NFIB: variants seen among roughly 807,000 people sequenced by gnomAD.
NFIB encodes nuclear factor I B.
In NFIB, 11 loss-of-function variants were observed where a neutral mutation model predicts 61.5. The ratio of observed to expected loss-of-function variants is 0.18; its 90% CI spans 0.11 to 0.30. NFIB has a LOEUF of 0.30. Ranked by LOEUF, NFIB falls within the 10% of genes least tolerant of loss-of-function variation. NFIB has a pLI of 1.00. For synonymous variants in NFIB, 260 were observed against 216.5 expected, an observed-to-expected ratio of 1.20 and a Z score of -1.76; for missense variants, 471 against 608.9, an observed-to-expected ratio of 0.77 and a Z score of 2.38.
At chr9:14,276,505 C>G (rs1485015628) in intron 2 of NFIB, among the ~76,000 whole-genome samples, 1 of 152,106 alleles carries the variant, frequency 6.6e-6, no homozygotes, top group Non-Finnish European at 1.5e-5. Flanking sequence ...ATGTACCTTT[C>G]TCAGAGAAGG....
At chr9:14,373,515 G>GT (rs202190638) in intron 1 of NFIB, among the ~76,000 whole-genome samples, 43 of 151,274 alleles carry the variant, frequency 2.8e-4, no homozygotes, top group South Asian at 8.4e-4. Context: ...TCATTGCCAG[G>GT]TTTTTTTTTA....
chr9:14,139,055 T>A (rs2041393730), intron 6 of NFIB, among the ~76,000 whole-genome samples: 1 of 152,122 alleles, frequency 6.6e-6, no homozygotes, highest in Admixed American at 6.6e-5. Flanking sequence ...AAGAAAAGTG[T>A]CCCTCTGGGA....
At chr9:14,176,954 TG>T (rs1315284398) in intron 3 of NFIB, among the ~76,000 whole-genome samples, 1 of 152,204 alleles carries the variant, frequency 6.6e-6, no homozygotes, top group Non-Finnish European at 1.5e-5. Context: ...CCCAAGCTGT[TG>T]GGGAATAAAC....
At chr9:14,448,519 G>C in the NFIB span, among the ~76,000 whole-genome samples, 2 of 152,178 alleles carry the variant, frequency 1.3e-5, no homozygotes, top group Non-Finnish European at 1.5e-5. Flanking sequence ...AAAAAACCTA[G>C]TTGGGATGGA....
intron 1 of NFIB, among the ~76,000 whole-genome samples, chr9:14,393,283 A>G (rs1400127038): frequency 4.6e-5 from 7 of 152,128 alleles, no homozygotes; most frequent in Admixed American, 4.6e-4. Context: ...AACATTGGCT[A>G]TGGCCTAAAA....
the NFIB span, among the ~76,000 whole-genome samples, chr9:14,419,027 T>C: frequency 6.6e-6 from 1 of 152,188 alleles, no homozygotes; most frequent in East Asian, 1.9e-4. Flanking sequence ...ATCTAATGAA[T>C]TTAAATTCCA....
the NFIB span, among the ~76,000 whole-genome samples, chr9:14,432,606 G>A: frequency 2.0e-5 from 3 of 152,190 alleles, no homozygotes; most frequent in African/African-American, 7.2e-5. Flanking sequence ...ATTAGTACCA[G>A]GCAGCTGAGA....
Position 14,313,583 on chromosome 9 carries a change from C to T in NFIB, c.-72G>A. 6.2e-7 allele frequency: 1 copy of T among 1,610,874 alleles called. No individual in the cohort carries two copies. Among genetic ancestry groups the T allele is most frequent in the Non-Finnish European group, 8.5e-7 (1 of 1,178,430 alleles). ...TCGAGAAGCAAGAATTTCATCTATT[C>T]ATTTTACAGTCATCTGAGCCCCGCG... On this transcript the variant is annotated 5_prime_UTR_variant, in exon 1 of 11. It removes an upstream start codon present in the reference 5' UTR. Coordinates refer to ENST00000380953, the MANE Select transcript of NFIB (RefSeq NM_001190737.2). This position sits in a 1 kb window ranked among gnomAD's most constrained non-coding sequence, Gnocchi z 4.5.
chr9:14,396,187 TC>T (rs1372915756), intron 1 of NFIB, among the ~76,000 whole-genome samples: 1 of 152,096 alleles, frequency 6.6e-6, no homozygotes, highest in Non-Finnish European at 1.5e-5. Flanking sequence ...ACCATTTTTC[TC>T]CCTTTTTTTT....
chr9:14,101,080 T>C (rs1270743159), intron 10 of NFIB, among the ~76,000 whole-genome samples: 1 of 152,232 alleles, frequency 6.6e-6, no homozygotes, highest in East Asian at 1.9e-4. Context: ...CTTTAAAATG[T>C]ATATTAATTC....
chr9:14,251,835 T>A (rs1180181566), intron 2 of NFIB, among the ~76,000 whole-genome samples: 2 of 151,546 alleles, frequency 1.3e-5, no homozygotes, highest in African/African-American at 4.8e-5. Flanking sequence ...AGGTCCAACT[T>A]TTATAAAGAA....
At chr9:14,125,366 C>T (rs1475646098) in intron 7 of NFIB, among the ~76,000 whole-genome samples, 1 of 152,154 alleles carries the variant, frequency 6.6e-6, no homozygotes, top group Non-Finnish European at 1.5e-5. Context: ...CCATGTTGGT[C>T]AGGCTAGTCT....
chr9:14,510,934 G>A, the NFIB span, among the ~76,000 whole-genome samples: 1 of 152,108 alleles, frequency 6.6e-6, no homozygotes, highest in Non-Finnish European at 1.5e-5. Flanking sequence ...CTACCTTCAA[G>A]TATTAATATT....
In NFIB at chr9:14,348,091, G is replaced by A. The variant is rs550713369; in HGVS notation, c.109-40571C>T. On this transcript the variant is annotated intron_variant, in intron 1 of 8. Coordinates refer to the NFIB transcript ENST00000380934. ...GGCGGAACGAAGTCGCCCAACCCAA[G>A]TTCTCCCTGCACCCTGGGAAGGAAA... Among the ~76,000 whole-genome samples, 270 of 152,330 alleles carry A rather than the reference G, an allele frequency of 1.8e-3. 2 individuals carry two copies. The highest frequency in any genetic ancestry group is 6.1e-3 in the African/African-American group (255 of 41,598).
chr9:14,238,775 C>A (rs1380386738), intron 2 of NFIB, among the ~76,000 whole-genome samples: 3 of 152,042 alleles, frequency 2.0e-5, no homozygotes, highest in Non-Finnish European at 4.4e-5. Flanking sequence ...ACGTCTCTTG[C>A]CACAGGGGGA....
At chr9:14,175,289 T>C (rs1407757315) in intron 3 of NFIB, among the ~76,000 whole-genome samples, 2 of 149,070 alleles carry the variant, frequency 1.3e-5, no homozygotes, top group African/African-American at 5.0e-5. Flanking sequence ...CTCTCCTGCC[T>C]CAGCCTCCCC....
the NFIB span, among the ~76,000 whole-genome samples, chr9:14,515,450 A>G: frequency 6.6e-6 from 1 of 152,106 alleles, no homozygotes; most frequent in Admixed American, 6.5e-5. Flanking sequence ...CAACTTTTCC[A>G]CTAACTCGGT....
At chr9:14,487,088 T>C in the NFIB span, among the ~76,000 whole-genome samples, 38 of 152,290 alleles carry the variant, frequency 2.5e-4, no homozygotes, top group African/African-American at 8.4e-4. Context: ...CAAGGCTTTG[T>C]CTGGATAAAA....
the NFIB span, among the ~76,000 whole-genome samples, chr9:14,420,332 G>A: frequency 1.3e-5 from 2 of 149,844 alleles, no homozygotes; most frequent in African/African-American, 4.9e-5. Flanking sequence ...TGCAATCCCA[G>A]CTTCTTGGGA....
Sources: allele counts gnomAD v4.1 joint callset (sites outside exome capture counted in the v4.1 genomes callset), GRCh38; gene constraint gnomAD v4.1.1; non-coding constraint Gnocchi (gnomAD v3.1); transcripts MANE v1.5; gene names NCBI Gene and HGNC (gene_info 2026-07-23, HGNC 2026-07-21).